SPATA13: variants seen among roughly 807,000 people sequenced by gnomAD.
SPATA13 encodes spermatogenesis-associated protein 13.
Under a neutral mutation model 104.0 loss-of-function variants are expected in SPATA13, and 50 were observed. That is an observed-to-expected ratio of 0.48 (90% CI 0.38 to 0.61). SPATA13 has a LOEUF of 0.61. SPATA13 is among the 20% of genes least tolerant of loss of function. The pLI is 0.00. For missense variants in SPATA13, 1,524 were observed against 1,690.6 expected, an observed-to-expected ratio of 0.90 and a Z score of 1.73; for synonymous variants, 606 against 667.5, an observed-to-expected ratio of 0.91 and a Z score of 1.42.
At chr13:24,013,706 C>CTTT (rs59130588) in intron 2 of SPATA13, among the ~76,000 whole-genome samples, 3 of 135,860 alleles carry the variant, frequency 2.2e-5, no homozygotes, top group African/African-American at 5.5e-5. Flanking sequence ...TTTTTTTCCA[C>CTTT]TTTTTTTTTT....
intron 2 of SPATA13, among the ~76,000 whole-genome samples, chr13:24,002,239 G>C (rs12429315): frequency 0.81 from 122,617 of 152,026 alleles, 49,728 homozygotes; most frequent in Admixed American, 0.86. Context: ...ATAGCTCACT[G>C]TAACACTATG....
At chr13:24,121,164 C>A (rs1042200473) in intron 3 of SPATA13, among the ~76,000 whole-genome samples, 5 of 152,062 alleles carry the variant, frequency 3.3e-5, no homozygotes, top group African/African-American at 9.7e-5. Flanking sequence ...ACAGTAAGGT[C>A]TGGTATTCAA....
intron 3 of SPATA13, among the ~76,000 whole-genome samples, chr13:24,136,502 AGT>A (rs1881573765): frequency 1.5e-5 from 2 of 135,522 alleles, no homozygotes; most frequent in African/African-American, 5.4e-5. Context: ...AAAGAAAGAA[AGT>A]GAGAGAGAGG....
intron 3 of SPATA13, among the ~76,000 whole-genome samples, chr13:24,078,643 C>T (rs911324568): frequency 6.6e-6 from 1 of 152,176 alleles, no homozygotes; most frequent in African/African-American, 2.4e-5. Context: ...TCTAGATCTC[C>T]ATTTCCCAGT....
chr13:24,189,578 ATG>A lies in SPATA13; in HGVS notation c.-112+28648_-112+28649del, dbSNP rs1433171975. Among the ~76,000 whole-genome samples the A allele has an allele frequency of 2.4e-5, 3 of 126,706 alleles. No homozygotes were observed. The East Asian group carries it at 6.4e-4, about 27-fold the overall frequency. 83.1% of individuals were successfully genotyped at this position (126,706 alleles called of 152,430 possible). A position where few individuals can be genotyped will look rare whatever the true frequency, so the allele number is the denominator to read the frequency against. On this transcript the variant is annotated intron_variant, in intron 1 of 12. Coordinates refer to ENST00000382108, the MANE Select transcript of SPATA13 (RefSeq NM_001166271.3). ...GTATATTTAATATTACATACATACT[ATG>A]TATGTAATACAAATATAAATATAAA...
At chr13:24,036,588 G>T (rs576167481) in intron 3 of SPATA13, among the ~76,000 whole-genome samples, 14 of 152,162 alleles carry the variant, frequency 9.2e-5, no homozygotes, top group Non-Finnish European at 1.8e-4. Flanking sequence ...GAGACACCCA[G>T]GGACGAGATC....
intron 1 of SPATA13, among the ~76,000 whole-genome samples, chr13:24,213,205 G>T (rs1015248651): frequency 2.0e-5 from 3 of 152,174 alleles, no homozygotes; most frequent in African/African-American, 7.2e-5. Context: ...TGATCATAGG[G>T]AGGAGAGTCA....
rs750713945 is a variant in SPATA13, at chr13:24,294,856, C to T, written c.3198C>T (p.Ile1066=). The part of the protein sequence containing the change: ...IDKIARWQVS[I]VGWEGLDILD... ...AGATAGCTCGCTGGCAGGTGTCTAT[C>T]GTGGGCTGGGAGGTAAGTGGAAAGC... Residue 1066 remains isoleucine, a synonymous_variant, in exon 10 of 13, where the codon ATC becomes ATT. Transcript: ENST00000382108. 28 of 1,608,158 alleles carry T rather than the reference C, an allele frequency of 1.7e-5. No individual in the cohort carries two copies. In the African/African-American group the frequency reaches 2.7e-4, roughly 15 times the overall value.
At chr13:24,060,805 G>A (rs1312263116) in intron 3 of SPATA13, among the ~76,000 whole-genome samples, 2 of 152,320 alleles carry the variant, frequency 1.3e-5, no homozygotes, top group South Asian at 2.1e-4. Context: ...GCTCATGCCT[G>A]TAATCCCAGT....
intron 3 of SPATA13, among the ~76,000 whole-genome samples, chr13:24,062,781 C>T (rs993895718): frequency 6.6e-6 from 1 of 152,078 alleles, no homozygotes; most frequent in African/African-American, 2.4e-5. Context: ...TTGTTATCTT[C>T]CATCCTTCAT....
intron 3 of SPATA13, among the ~76,000 whole-genome samples, chr13:24,107,386 A>G (rs1471531708): frequency 9.9e-5 from 15 of 152,048 alleles, no homozygotes; most frequent in Non-Finnish European, 2.1e-4. Flanking sequence ...AGTCTCTACT[A>G]TGTTGTCCCA....
chr13:23,981,444 A>C (rs772557255), intron 1 of SPATA13, among the ~76,000 whole-genome samples: 1 of 152,210 alleles, frequency 6.6e-6, no homozygotes, highest in African/African-American at 2.4e-5. Context: ...GAGAGCAGAG[A>C]GATAAGTGGT....
intron 2 of SPATA13, among the ~76,000 whole-genome samples, chr13:24,242,120 C>A (rs1872869086): frequency 1.3e-5 from 2 of 149,286 alleles, no homozygotes. Context: ...GATAAGAAAC[C>A]AAATATGAAT....
intron 3 of SPATA13, among the ~76,000 whole-genome samples, chr13:24,054,322 G>C (rs1399357534): frequency 6.6e-5 from 10 of 152,358 alleles, no homozygotes; most frequent in African/African-American, 2.4e-4. Context: ...ATCTTAGATA[G>C]ATGAATGTGA....
chr13:24,016,669 G>A (rs1876726663), intron 2 of SPATA13, among the ~76,000 whole-genome samples: 1 of 152,224 alleles, frequency 6.6e-6, no homozygotes. Context: ...CTGGCTCTCA[G>A]TTTCCTGAGC....
chr13:24,093,734 A>G (rs1216177460), intron 3 of SPATA13, among the ~76,000 whole-genome samples: 1 of 152,188 alleles, frequency 6.6e-6, no homozygotes, highest in Non-Finnish European at 1.5e-5. Context: ...AATTTTATGA[A>G]AAGCTTGGTT....
intron 4 of SPATA13, among the ~76,000 whole-genome samples, 184 bp downstream of exon 4, chr13:24,252,046 G>T (rs907956751): frequency 5.3e-5 from 8 of 152,204 alleles, no homozygotes; most frequent in African/African-American, 1.9e-4. Flanking sequence ...TAGATGCTCT[G>T]TGTGCCAGGC....
intron 1 of SPATA13, among the ~76,000 whole-genome samples, chr13:24,219,481 T>C (rs2068032): frequency 0.27 from 40,835 of 152,176 alleles, 5,858 homozygotes; most frequent in Middle Eastern, 0.37. Flanking sequence ...ACATAGTGGG[T>C]TGTAACAACT....
At chr13:24,153,916 C>A (rs1238684372) in intron 3 of SPATA13, among the ~76,000 whole-genome samples, 1 of 152,072 alleles carries the variant, frequency 6.6e-6, no homozygotes, top group Non-Finnish European at 1.5e-5. Context: ...AAATATCCAC[C>A]CTTTATCAAA....
Sources: allele counts gnomAD v4.1 joint callset (sites outside exome capture counted in the v4.1 genomes callset), GRCh38; gene constraint gnomAD v4.1.1; transcripts MANE v1.5; gene names NCBI Gene and HGNC (gene_info 2026-07-23, HGNC 2026-07-21).